SLC22A6: variants seen among roughly 807,000 people sequenced by gnomAD.
SLC22A6 encodes solute carrier family 22 member 6.
In SLC22A6, 45 loss-of-function variants were observed where a neutral mutation model predicts 56.7. That is an observed-to-expected ratio of 0.79 (90% CI 0.63 to 1.02). SLC22A6 has a LOEUF of 1.02. Ranked by LOEUF, SLC22A6 falls within the 50% of genes least tolerant of loss-of-function variation. The probability of loss-of-function intolerance (pLI) is 0.00; values close to 1 mark genes in which losing one functional copy is unlikely to be tolerated. For missense variants in SLC22A6, 606 were observed against 713.8 expected (o/e 0.85, Z 1.72); for synonymous variants, 291 against 295.9 (o/e 0.98, Z 0.17).
Position 62,981,353 on chromosome 11 carries a change from G to T in SLC22A6, c.828C>A (p.Ser276=). 6.3e-7 allele frequency: 1 copy of T among 1,595,680 alleles called. No individual in the cohort carries two copies. Among genetic ancestry groups the T allele is most frequent in the Non-Finnish European group, 8.5e-7 (1 of 1,170,920 alleles). The change falls in exon 5 of 10, where the codon TCC becomes TCA. Residue 276 remains serine (S), a synonymous_variant. Transcript: ENST00000360421. ...GGGTGAGGTCCAGCCTCCCGGAGGA[G>T]GAGTGCCAGCGGGCCGACTCAATGA... ...WFFIESARWH[S]SSGRLDLTLR...
rs748704409 is a variant in SLC22A6 at position 62,983,771 on chromosome 11, C to T, written c.474-80G>A. The T allele has an allele frequency of 2.2e-5, 32 of 1,426,300 alleles. No homozygotes were observed. Among genetic ancestry groups the T allele is most frequent in the Non-Finnish European group, 3.0e-5 (32 of 1,050,932 alleles). The allele number at this position is 1,426,300 out of a possible 1,614,324, so 88.4% of individuals were successfully genotyped here. ...CTGAGCCAGGAGAGGAGGGCTCACC[C>T]TGGATGATGCCTGGGCTGGGGCCTT... On this transcript the variant is annotated intron_variant, in intron 2 of 9. Coordinates refer to ENST00000360421, the MANE Select transcript of SLC22A6 (RefSeq NM_153276.3). This position sits in a 1 kb window ranked among gnomAD's most constrained non-coding sequence, Gnocchi z 4.5.
In SLC22A6 at chr11:62,983,619, T is replaced by A; in HGVS notation, c.546A>T (p.Ala182=). ...AGGCGCAGTAGATGGGGAAGTTGGG[T>A]GCGAAGGCTGCGCAGGTCCCTGACA... is the stretch of plus-strand genomic sequence containing the variant. ...TAVSGTCAAF[A]PNFPIYCAFR... The change falls in exon 3 of 10, where the codon GCA becomes GCT. Residue 182 remains alanine, a synonymous_variant. Transcript: ENST00000360421. This position sits in a 1 kb window ranked among gnomAD's most constrained non-coding sequence, Gnocchi z 4.5. The A allele has an allele frequency of 1.2e-6, 2 of 1,607,860 alleles. No homozygotes were observed. Among genetic ancestry groups the A allele is most frequent in the Non-Finnish European group, 1.7e-6 (2 of 1,177,398 alleles).
intron 8 of SLC22A6, among the ~76,000 whole-genome samples, chr11:62,977,693 G>T (rs1286274212): frequency 6.6e-6 from 1 of 152,204 alleles, no homozygotes; most frequent in Non-Finnish European, 1.5e-5. Context: ...GGAGACTTAA[G>T]ATTGAATTTT....
intron 9 of SLC22A6, 55 bp downstream of exon 9, chr11:62,977,129 A>C (rs753655930): frequency 3.7e-6 from 6 of 1,613,306 alleles, no homozygotes; most frequent in Non-Finnish European, 5.1e-6. Flanking sequence ...ATACCACCCC[A>C]CCCTGCATGT....
intron 9 of SLC22A6, 125 bp downstream of exon 9, chr11:62,977,059 A>G (rs2086197211): frequency 2.5e-6 from 4 of 1,574,792 alleles, no homozygotes; most frequent in East Asian, 4.5e-5. Flanking sequence ...AGCTCAGGCA[A>G]TTGGGGACAA....
intron 1 of SLC22A6, 41 bp from the exon 2 acceptor site, chr11:62,984,088 G>T: frequency 7.0e-7 from 1 of 1,422,396 alleles, no homozygotes; most frequent in Non-Finnish European, 9.8e-7. Flanking sequence ...GATGAGCCTG[G>T]CTTCAGAGAA....
At chr11:62,981,492 T>C in intron 4 of SLC22A6, 109 bp from the exon 5 acceptor site, 1 of 721,566 alleles carries the variant, frequency 1.4e-6, no homozygotes, top group South Asian at 1.9e-5. Context: ...TTATTTAAGG[T>C]TGGGAACCCA....
intron 6 of SLC22A6, 85 bp from the exon 7 acceptor site, chr11:62,980,033 G>T (rs1403650930): frequency 3.3e-6 from 3 of 903,198 alleles, no homozygotes; most frequent in Non-Finnish European, 5.4e-6. Context: ...GAACTGCATT[G>T]GGTACCCTGC....
At position 62,977,197 on chromosome 11, in the gene SLC22A6, C is replaced by T. The variant is rs2135087603; in HGVS notation, c.1552G>A (p.Asp518Asn). 2 of 1,614,228 alleles carry T rather than the reference C, an allele frequency of 1.2e-6. No individual in the cohort carries two copies. The highest frequency in any genetic ancestry group is 1.7e-6 in the Non-Finnish European group (2 of 1,180,038). ...LGQPLPDTVQDLESRKGKQTR... is the reference protein window; with the variant it reads ...LGQPLPDTVQNLESRKGKQTR... The stretch of plus-strand genomic sequence containing the variant: ...GTGGGGGCCCACCTGCTCTCCAGGT[C>T]CTGCACCGTGTCTGGCAGTGGCTGG... Residue 518 changes from aspartate to asparagine, a missense_variant, in exon 9 of 10, where the codon GAC becomes AAC. Physicochemically the swap from Asp to Asn is conservative, Grantham distance 23. Coordinates refer to ENST00000360421, the MANE Select transcript of SLC22A6 (RefSeq NM_153276.3).
chr11:62,982,578 G>A (rs2086268251), intron 3 of SLC22A6, among the ~76,000 whole-genome samples: 3 of 152,224 alleles, frequency 2.0e-5, no homozygotes, highest in Admixed American at 2.0e-4. Flanking sequence ...CTCTAGCCCA[G>A]TCCCGGTTAA....
chr11:62,979,016 A>G (rs1041964521), intron 8 of SLC22A6, among the ~76,000 whole-genome samples: 4 of 152,202 alleles, frequency 2.6e-5, no homozygotes, highest in African/African-American at 9.6e-5. Flanking sequence ...CCTCCATCTT[A>G]GGACTCAAAT....
rs373371894 is a variant in SLC22A6 at position 62,979,490 on chromosome 11, G to A, written c.1359C>T (p.Ile453=). The A allele has an allele frequency of 3.2e-6, 5 of 1,584,534 alleles. No individual in the cohort carries two copies. The highest frequency in any genetic ancestry group is 4.3e-6 in the Non-Finnish European group (5 of 1,152,944). The change falls in exon 8 of 10, where the codon ATC becomes ATT. Residue 453 remains isoleucine (I), a splice_region_variant and synonymous_variant. Coordinates refer to ENST00000360421, the MANE Select transcript of SLC22A6 (RefSeq NM_153276.3). ...LYTGELYPTM[I]RQTGMGMGST... Reference sequence around the variant, plus strand: ...TCTCCCATTAGGCTCCCACTCACCGGATCATTGTGGGATACAGTTCCCCAG... The same window carrying A: ...TCTCCCATTAGGCTCCCACTCACCGAATCATTGTGGGATACAGTTCCCCAG...
At position 62,976,716 on chromosome 11, in the gene SLC22A6, C is replaced by T; in HGVS notation, c.*78G>A. 1 of 1,242,718 alleles carries T rather than the reference C, an allele frequency of 8.0e-7. No homozygotes were observed. Among genetic ancestry groups the T allele is most frequent in the South Asian group, 1.4e-5 (1 of 71,978 alleles). The allele number at this position is 1,242,718 out of a possible 1,614,324, so 77.0% of individuals were successfully genotyped here. Reference sequence around the variant, plus strand: ...CACACTTGGGTCACCATTTCCTCTTCCTCCTCCTTGTGTGGGTGGCCGGAG... The same window carrying T: ...CACACTTGGGTCACCATTTCCTCTTTCTCCTCCTTGTGTGGGTGGCCGGAG... On this transcript the variant is annotated 3_prime_UTR_variant, in exon 10 of 10. Coordinates refer to ENST00000360421, the MANE Select transcript of SLC22A6 (RefSeq NM_153276.3).
intron 3 of SLC22A6, among the ~76,000 whole-genome samples, chr11:62,982,227 A>ATT (rs4149176): frequency 7.0e-6 from 1 of 143,860 alleles, no homozygotes; most frequent in Admixed American, 7.0e-5. Context: ...CACACTCTTG[A>ATT]TTTTTTTTTT....
intron 8 of SLC22A6, among the ~76,000 whole-genome samples, chr11:62,978,853 G>A (rs1328520161): frequency 6.6e-6 from 1 of 152,122 alleles, no homozygotes; most frequent in Non-Finnish European, 1.5e-5. Context: ...GCCTCCCAAA[G>A]TGCTGGGATT....
rs1337544228 is a variant in SLC22A6 at position 62,984,271 on chromosome 11, G to A, written c.369+51C>T. ...GTACTTTTTTTTTTTTTTTAACAAA[G>A]GCCCCCATCTTCCCATCTTGGCCCC... On this transcript the variant is annotated intron_variant, in intron 1 of 9. Coordinates refer to ENST00000360421, the MANE Select transcript of SLC22A6 (RefSeq NM_153276.3). 2.6e-6 allele frequency: 4 copies of A among 1,552,674 alleles called. No individual in the cohort carries two copies. The Admixed American group carries it at 8.3e-5, about 32-fold the overall frequency.
chr11:62,979,873 CT>C lies in SLC22A6; in HGVS notation c.1112del (p.Gln371ArgfsTer2). 6.2e-7 allele frequency: 1 copy of C among 1,614,188 alleles called. No homozygotes were observed. The highest frequency in any genetic ancestry group is 8.5e-7 in the Non-Finnish European group (1 of 1,180,040). On this transcript the variant is annotated frameshift_variant, in exon 7 of 10. Transcript: ENST00000360421. LOFTEE classifies it high-confidence loss of function. The stretch of plus-strand genomic sequence containing the variant: ...GCAGGTCCACAGCACCAAAGATCAC[CT>C]GGATTAGGTAGATGCTGACTCCAAA... ...QGFGVSIYLI[Q>X]VIFGAVDLPA...
chr11:62,983,793 C>T lies in SLC22A6; in HGVS notation c.474-102G>A. ...ACCCTGGATGATGCCTGGGCTGGGG[C>T]CTTTTGAGGACCTCTGAAGTATGAG... On this transcript the variant is annotated intron_variant, in intron 2 of 9. Transcript: ENST00000360421. This position sits in a 1 kb window ranked among gnomAD's most constrained non-coding sequence, Gnocchi z 4.5. 1 of 1,299,896 alleles carries T rather than the reference C, an allele frequency of 7.7e-7. No homozygotes were observed. Among genetic ancestry groups the T allele is most frequent in the Non-Finnish European group, 1.1e-6 (1 of 946,026 alleles). 80.5% of individuals were successfully genotyped at this position (1,299,896 alleles called of 1,614,324 possible).
rs2086304034 is a variant in SLC22A6 at position 62,984,906 on chromosome 11, C to A, written c.-216G>T. 1.4e-5 allele frequency: 8 copies of A among 576,534 alleles called. No homozygotes were observed. The South Asian group carries it at 1.7e-4, about 12-fold the overall frequency. 35.7% of individuals were successfully genotyped at this position (576,534 alleles called of 1,614,324 possible). A position where few individuals can be genotyped will look rare whatever the true frequency, so the allele number is the denominator to read the frequency against. On this transcript the variant is annotated 5_prime_UTR_variant, in exon 1 of 10. The change creates a new upstream start codon in the 5' untranslated region. Transcript: ENST00000360421. ...CCCGGTCTCCCTGATCTGTCCCTCC[C>A]TTTTCCCTTGCAGCTTCTCCTCACT...
Sources: gnomAD v4.1 joint callset for allele counts (sites outside exome capture counted in the v4.1 genomes callset) on GRCh38, gnomAD v4.1.1 for gene constraint, Gnocchi (gnomAD v3.1) non-coding constraint, MANE v1.5 for transcripts, NCBI Gene and HGNC (gene_info 2026-07-23, HGNC 2026-07-21) for gene names.